Variants in CEP112 observed in about 807,000 individuals in gnomAD.
CEP112 encodes the protein centrosomal protein of 112 kDa.
In CEP112, 127 loss-of-function variants were observed where a neutral mutation model predicts 153.0. That is an observed-to-expected ratio of 0.83 (90% CI 0.72 to 0.96). The LOEUF (loss-of-function observed/expected upper bound fraction) is 0.96. Ranked by LOEUF, CEP112 falls within the 40% of genes least tolerant of loss-of-function variation. The pLI, the probability that CEP112 is intolerant of heterozygous loss-of-function variation, is 0.00. For synonymous variants in CEP112, 358 were observed against 374.4 expected (o/e 0.96, Z 0.51); for missense variants, 1,089 against 1,101.2 (o/e 0.99, Z 0.16).
chr17:65,715,980 C>T (rs966212693), intron 23 of CEP112, among the ~76,000 whole-genome samples: 5 of 152,144 alleles, frequency 3.3e-5, no homozygotes, highest in Non-Finnish European at 5.9e-5. Context: ...TTGATTACTT[C>T]TAAGCATGTA....
Position 66,129,825 on chromosome 17 carries a change from T to C in CEP112, c.565-2A>G. The C allele has an allele frequency of 1.3e-6, 2 of 1,595,058 alleles. No homozygotes were observed. Among genetic ancestry groups the C allele is most frequent in the East Asian group, 2.2e-5 (1 of 44,558 alleles). ...AGGAGATTTTTTCGAATAAACTTCCTGAAATACAAAAGGGAAAAAGGAAGA... is the reference window on the plus strand; with the variant it reads ...AGGAGATTTTTTCGAATAAACTTCCCGAAATACAAAAGGGAAAAAGGAAGA... On this transcript the variant is annotated splice_acceptor_variant, in intron 5 of 26. Coordinates refer to ENST00000535342, the MANE Select transcript of CEP112 (RefSeq NM_001199165.4). LOFTEE classifies it high-confidence loss of function.
At chr17:65,775,813 C>T (rs2053645035) in intron 21 of CEP112, among the ~76,000 whole-genome samples, 1 of 152,096 alleles carries the variant, frequency 6.6e-6, no homozygotes, top group Non-Finnish European at 1.5e-5. Flanking sequence ...AAACCTAATT[C>T]TTAAAAGCTT....
At chr17:66,035,601 C>T (rs6504392) in intron 12 of CEP112, among the ~76,000 whole-genome samples, 140,986 of 152,198 alleles carry the variant, frequency 0.93, 65,533 homozygotes, top group East Asian at 0.97. Flanking sequence ...TGCTTATTTA[C>T]CCAAAAGAAC....
intron 19 of CEP112, among the ~76,000 whole-genome samples, chr17:65,914,657 A>G (rs1202502210): frequency 3.9e-5 from 6 of 152,178 alleles, no homozygotes; most frequent in Non-Finnish European, 7.4e-5. Context: ...TGCCAAATTA[A>G]GCATGCTGCT....
intron 21 of CEP112, among the ~76,000 whole-genome samples, chr17:65,771,926 G>A (rs2053379324): frequency 6.6e-6 from 1 of 152,042 alleles, no homozygotes; most frequent in Non-Finnish European, 1.5e-5. Context: ...GAGTTGGGAG[G>A]TGGGAGGGTT....
intron 21 of CEP112, among the ~76,000 whole-genome samples, chr17:65,774,552 A>C (rs1598540389): frequency 6.6e-6 from 1 of 152,212 alleles, no homozygotes; most frequent in African/African-American, 2.4e-5. Flanking sequence ...GGAAGAATAC[A>C]ACATTTCCTG....
chr17:65,957,834 A>T lies in CEP112; in HGVS notation c.1872+3629T>A, dbSNP rs9652846. Among the ~76,000 whole-genome samples, 214 of 152,242 alleles carry T rather than the reference A, an allele frequency of 1.4e-3. 1 individual carries two copies. Among genetic ancestry groups the T allele is most frequent in the Non-Finnish European group, 2.1e-3 (143 of 67,992 alleles). On this transcript the variant is annotated intron_variant, in intron 18 of 26. Transcript: ENST00000535342. ...ATTTTATTAATGCTCATATTTAAAC[A>T]TTACAAAATTATTTTTACCTACATT...
chr17:66,097,328 G>A lies in CEP112; in HGVS notation c.643-696C>T, dbSNP rs1372789271. 2.6e-5 allele frequency among the ~76,000 whole-genome samples: 4 copies of A among 152,060 alleles called. No individual in the cohort carries two copies. In the East Asian group the frequency reaches 7.7e-4, roughly 29 times the overall value. ...TGTAGTTTAAAAATCATCTCCCCCA[G>A]GAAACCTAGTTCCTACTACTCCAGT... On this transcript the variant is annotated intron_variant, in intron 6 of 26. Coordinates refer to ENST00000535342, the MANE Select transcript of CEP112 (RefSeq NM_001199165.4).
intron 24 of CEP112, among the ~76,000 whole-genome samples, chr17:65,669,315 T>C (rs189592877): frequency 7.1e-4 from 108 of 152,358 alleles, no homozygotes; most frequent in African/African-American, 2.6e-3. Flanking sequence ...TTCTAAGGAA[T>C]AGTTTTAGAC....
At chr17:66,084,711 A>G (rs1252503942) in intron 8 of CEP112, among the ~76,000 whole-genome samples, 1 of 152,158 alleles carries the variant, frequency 6.6e-6, no homozygotes, top group African/African-American at 2.4e-5. Context: ...GTTAATGGGT[A>G]TAAAAAGTAG....
intron 4 of CEP112, among the ~76,000 whole-genome samples, chr17:66,135,838 T>TATATAGATATAGATATAG (rs3031740): frequency 6.6e-6 from 1 of 151,644 alleles, no homozygotes; most frequent in African/African-American, 2.4e-5. Context: ...AATGATACTA[T>TATATAGATATAGATATAG]ATATAGATAT....
At chr17:65,814,933 C>T (rs950184225) in intron 21 of CEP112, among the ~76,000 whole-genome samples, 1 of 151,986 alleles carries the variant, frequency 6.6e-6, no homozygotes, top group African/African-American at 2.4e-5. Flanking sequence ...TATAAAAATA[C>T]TTTTTCAGGT....
intron 4 of CEP112, among the ~76,000 whole-genome samples, chr17:66,133,357 C>T (rs2070287361): frequency 6.6e-6 from 1 of 152,164 alleles, no homozygotes; most frequent in African/African-American, 2.4e-5. Context: ...TCCACATCAA[C>T]ATGAAGCCTT....
intron 17 of CEP112, among the ~76,000 whole-genome samples, chr17:65,977,701 G>C (rs2063087948): frequency 6.6e-6 from 1 of 152,174 alleles, no homozygotes; most frequent in Non-Finnish European, 1.5e-5. Flanking sequence ...GACACTTTGG[G>C]AAGCCGAGGT....
chr17:65,661,555 T>C (rs1179592372), intron 24 of CEP112, among the ~76,000 whole-genome samples: 1 of 152,204 alleles, frequency 6.6e-6, no homozygotes, highest in Non-Finnish European at 1.5e-5. Flanking sequence ...CAGATACTAT[T>C]ATAACTATTG....
intron 21 of CEP112, among the ~76,000 whole-genome samples, chr17:65,805,126 G>A: frequency 6.6e-6 from 1 of 152,106 alleles, no homozygotes. Context: ...GAAATTACAG[G>A]CAGGAGCCAC....
intron 4 of CEP112, among the ~76,000 whole-genome samples, chr17:66,153,038 T>C (rs958587052): frequency 6.6e-6 from 1 of 151,796 alleles, no homozygotes; most frequent in Non-Finnish European, 1.5e-5. Flanking sequence ...ATACCAAGAG[T>C]TGATGAGGAC....
At chr17:65,831,452 G>A (rs2057075993) in intron 21 of CEP112, among the ~76,000 whole-genome samples, 1 of 151,898 alleles carries the variant, frequency 6.6e-6, no homozygotes, top group African/African-American at 2.4e-5. Flanking sequence ...AGCTACTCAG[G>A]AGGCTGAGGC....
At chr17:65,914,235 G>A (rs1329550746) in intron 19 of CEP112, among the ~76,000 whole-genome samples, 1 of 149,402 alleles carries the variant, frequency 6.7e-6, no homozygotes, top group African/African-American at 2.5e-5. Context: ...AACACATTCA[G>A]TTCTCAATGA....
Sources: allele counts gnomAD v4.1 joint callset (sites outside exome capture counted in the v4.1 genomes callset), GRCh38; gene constraint gnomAD v4.1.1; transcripts MANE v1.5; gene names NCBI Gene and HGNC (gene_info 2026-07-23, HGNC 2026-07-21).